LONP2: variants seen among roughly 807,000 people sequenced by gnomAD.
LONP2 encodes lon protease homolog 2, peroxisomal.
A neutral mutation model predicts 85.6 loss-of-function variants in LONP2; 60 were observed. The observed-to-expected ratio is 0.70, with a 90% CI of 0.57 to 0.87. The LOEUF (loss-of-function observed/expected upper bound fraction) is 0.87. Among genes scored for constraint, LONP2 ranks in the 40% least tolerant of loss-of-function variants. LONP2 has a pLI of 0.00. For missense variants in LONP2, 860 were observed against 1,063.5 expected, an observed-to-expected ratio of 0.81 and a Z score of 2.66; for synonymous variants, 395 against 389.7, an observed-to-expected ratio of 1.01 and a Z score of -0.16.
chr16:48,286,519 T>C (rs1198466271), intron 8 of LONP2, among the ~76,000 whole-genome samples: 1 of 152,084 alleles, frequency 6.6e-6, no homozygotes, highest in African/African-American at 2.4e-5. Flanking sequence ...TTTTTCTTTT[T>C]TGAGACAGGG....
intron 12 of LONP2, among the ~76,000 whole-genome samples, chr16:48,335,180 A>G (rs148587858): frequency 6.6e-6 from 1 of 152,266 alleles, no homozygotes; most frequent in African/African-American, 2.4e-5. Flanking sequence ...TGTGTACTTT[A>G]AGGAGGGATT....
intron 11 of LONP2, among the ~76,000 whole-genome samples, chr16:48,318,978 C>CTT (rs775333727): frequency 2.1e-4 from 30 of 145,218 alleles, no homozygotes; most frequent in Admixed American, 9.7e-4. Context: ...ATCCTTTCAG[C>CTT]TTTTTTTTTT....
intron 5 of LONP2, among the ~76,000 whole-genome samples, chr16:48,262,103 G>A (rs1397789010): frequency 6.6e-6 from 1 of 152,170 alleles, no homozygotes; most frequent in Non-Finnish European, 1.5e-5. Context: ...AAGAACATTA[G>A]TAATTGTAGT....
In LONP2 at chr16:48,353,289, T is replaced by G. The variant is rs1383765115; in HGVS notation, c.*1487T>G. On this transcript the variant is annotated 3_prime_UTR_variant, in exon 15 of 15. Transcript: ENST00000285737. ...AGGAAATCGAGGCGAGTGGATCACT[T>G]AAGCTCAGGAGTTCAAGGCCAGCCT... The G allele has an allele frequency of 6.6e-6, 1 of 151,712 alleles. No homozygotes were observed. Among genetic ancestry groups the G allele is most frequent in the East Asian group, 1.9e-4 (1 of 5,166 alleles). 9.4% of individuals were successfully genotyped at this position (151,712 alleles called of 1,614,324 possible).
intron 12 of LONP2, chr16:48,344,582 T>C (rs1008799376): frequency 6.6e-6 from 1 of 152,156 alleles, no homozygotes; most frequent in Non-Finnish European, 1.5e-5. Flanking sequence ...ATGGGGAATA[T>C]TGGAAACTGG....
At chr16:48,263,973 G>C (rs1051540644) in intron 6 of LONP2, among the ~76,000 whole-genome samples, 1 of 152,182 alleles carries the variant, frequency 6.6e-6, no homozygotes, top group Non-Finnish European at 1.5e-5. Context: ...ACAAAAACCA[G>C]CAAGTTTTTA....
intron 6 of LONP2, among the ~76,000 whole-genome samples, chr16:48,268,735 C>G (rs901688588): frequency 1.3e-5 from 2 of 151,992 alleles, no homozygotes; most frequent in African/African-American, 2.4e-5. Context: ...TTTAGTTGTT[C>G]TTCTCCTACT....
intron 8 of LONP2, among the ~76,000 whole-genome samples, chr16:48,288,316 A>T (rs1256106681): frequency 1.3e-5 from 2 of 151,770 alleles, no homozygotes; most frequent in Non-Finnish European, 2.9e-5. Context: ...ACCACGCCTG[A>T]CTAATTTTTT....
At chr16:48,300,058 T>C (rs1395470099) in intron 10 of LONP2, among the ~76,000 whole-genome samples, 1 of 152,252 alleles carries the variant, frequency 6.6e-6, no homozygotes, top group Non-Finnish European at 1.5e-5. Flanking sequence ...AATATTGTTA[T>C]AGCTAAAGCT....
At chr16:48,248,475 C>T (rs1971525904) in intron 1 of LONP2, among the ~76,000 whole-genome samples, 2 of 151,988 alleles carry the variant, frequency 1.3e-5, no homozygotes, top group South Asian at 4.2e-4. Flanking sequence ...AATAATACTA[C>T]CTTCTTCATG....
intron 1 of LONP2, among the ~76,000 whole-genome samples, chr16:48,245,423 G>A (rs373313688): frequency 1.3e-5 from 2 of 152,278 alleles, no homozygotes; most frequent in East Asian, 1.9e-4. Context: ...TCTTAGGCAA[G>A]TTATGAAGAA....
intron 2 of LONP2, among the ~76,000 whole-genome samples, chr16:48,252,589 C>T (rs16946028): frequency 0.012 from 1,827 of 152,308 alleles, 37 homozygotes; most frequent in African/African-American, 0.042. Flanking sequence ...GTTATTTCTA[C>T]AGCTTTCCTT....
intron 9 of LONP2, among the ~76,000 whole-genome samples, chr16:48,298,626 G>GGGGGGTGTGT (rs565121093): frequency 6.0e-5 from 8 of 134,322 alleles, no homozygotes; most frequent in African/African-American, 2.2e-4. Context: ...ATTTAATTGA[G>GGGGGGTGTGT]GTGTGTGTGT....
At chr16:48,280,344 T>C (rs1010795294) in intron 8 of LONP2, among the ~76,000 whole-genome samples, 6 of 152,216 alleles carry the variant, frequency 3.9e-5, no homozygotes, top group African/African-American at 1.4e-4. Context: ...TCAACAACTG[T>C]TTTGAAGCAA....
chr16:48,303,919 C>T (rs1004713918), intron 11 of LONP2, among the ~76,000 whole-genome samples: 1 of 152,192 alleles, frequency 6.6e-6, no homozygotes, highest in African/African-American at 2.4e-5. Flanking sequence ...TTATTCTAGC[C>T]ATGCTGGAAG....
chr16:48,334,433 G>C, intron 12 of LONP2, 75 bp downstream of exon 12: 1 of 1,556,416 alleles, frequency 6.4e-7, no homozygotes, highest in Non-Finnish European at 8.8e-7. Flanking sequence ...GGGCCGTAGG[G>C]CCTGGGCAGG....
At position 48,261,358 on chromosome 16, in the gene LONP2, G is replaced by C. The variant is rs914692501; in HGVS notation, c.724-66G>C. On this transcript the variant is annotated intron_variant, in intron 4 of 14. Transcript: ENST00000285737. ...TTCAGCACCAGTCATAATCTTATGT[G>C]TACCTGGGTACTTCGTTTCCAATTT... The C allele has an allele frequency of 2.5e-6, 3 of 1,195,964 alleles. No individual in the cohort carries two copies. In the African/African-American group the frequency reaches 4.6e-5, roughly 18 times the overall value. The allele number at this position is 1,195,964 out of a possible 1,614,324, so 74.1% of individuals were successfully genotyped here.
rs748739552 is a variant in LONP2, at chr16:48,351,846, A to C, written c.*44A>C. 3 of 1,489,890 alleles carry C rather than the reference A, an allele frequency of 2.0e-6. No homozygotes were observed. The East Asian group carries it at 6.8e-5, about 34-fold the overall frequency. The allele number at this position is 1,489,890 out of a possible 1,614,324, so 92.3% of individuals were successfully genotyped here. A position where few individuals can be genotyped will look rare whatever the true frequency, so the allele number is the denominator to read the frequency against. On this transcript the variant is annotated 3_prime_UTR_variant, in exon 15 of 15. Coordinates refer to ENST00000285737, the MANE Select transcript of LONP2 (RefSeq NM_031490.5). ...TAGAATTTTAAGTTATGAAGTGCTC[A>C]AAGGTACTGACACAGTTGATTTTAT...
At chr16:48,341,905 G>A (rs1291090620) in intron 12 of LONP2, among the ~76,000 whole-genome samples, 1 of 152,182 alleles carries the variant, frequency 6.6e-6, no homozygotes, top group African/African-American at 2.4e-5. Context: ...GGGGCCATGC[G>A]AGTAGGTGGG....
Sources: allele counts gnomAD v4.1 joint callset (sites outside exome capture counted in the v4.1 genomes callset), GRCh38; gene constraint gnomAD v4.1.1; transcripts MANE v1.5; gene names NCBI Gene and HGNC (gene_info 2026-07-23, HGNC 2026-07-21).